ADGRB3: variants seen among roughly 807,000 people sequenced by gnomAD.
ADGRB3 encodes adhesion G protein-coupled receptor B3, also known as brain-specific angiogenesis inhibitor 3.
Under a neutral mutation model 193.4 loss-of-function variants are expected in ADGRB3, and 37 were observed. The ratio of observed to expected loss-of-function variants is 0.19; its 90% CI spans 0.15 to 0.25. The LOEUF is 0.25. Among genes scored for constraint, ADGRB3 ranks in the 10% least tolerant of loss-of-function variants. The pLI is 1.00. For missense variants in ADGRB3, 1,637 were observed against 1,852.9 expected, an observed-to-expected ratio of 0.88 and a Z score of 2.14; for synonymous variants, 690 against 644.2, an observed-to-expected ratio of 1.07 and a Z score of -1.08.
intron 3 of ADGRB3, among the ~76,000 whole-genome samples, chr6:68,735,234 G>T (rs1256344676): frequency 6.6e-6 from 1 of 151,810 alleles, no homozygotes; most frequent in Non-Finnish European, 1.5e-5. Flanking sequence ...CAGAATGAAG[G>T]TTACTTAAAA....
At chr6:69,290,365 A>G (rs1460961568) in intron 20 of ADGRB3, among the ~76,000 whole-genome samples, 2 of 152,116 alleles carry the variant, frequency 1.3e-5, no homozygotes, top group Middle Eastern at 3.2e-3. Context: ...TGGTAGATCT[A>G]AAATAATTGG....
intron 8 of ADGRB3, among the ~76,000 whole-genome samples, chr6:68,962,367 G>A (rs1422027285): frequency 6.6e-6 from 1 of 152,124 alleles, no homozygotes. Context: ...ATTAATAACA[G>A]ATAGTACTAC....
chr6:68,712,191 G>T (rs549989666), intron 3 of ADGRB3, among the ~76,000 whole-genome samples: 1 of 151,604 alleles, frequency 6.6e-6, no homozygotes, highest in African/African-American at 2.4e-5. Context: ...TAATTTATGC[G>T]TATAACATCA....
intron 10 of ADGRB3, among the ~76,000 whole-genome samples, chr6:68,986,391 T>G (rs963706311): frequency 2.0e-5 from 3 of 152,222 alleles, no homozygotes; most frequent in Admixed American, 6.5e-5. Context: ...GGACCAAATC[T>G]GCCCTATCAT....
chr6:69,141,122 T>TG (rs1774324774), intron 17 of ADGRB3, among the ~76,000 whole-genome samples: 1 of 58,616 alleles, frequency 1.7e-5, no homozygotes, highest in Non-Finnish European at 4.8e-5. Context: ...TTTCTTTCTT[T>TG]TTTTTTGGGG....
chr6:69,040,701 A>C (rs865851860), intron 13 of ADGRB3, among the ~76,000 whole-genome samples: 2 of 145,174 alleles, frequency 1.4e-5, no homozygotes, highest in East Asian at 1.9e-4. Flanking sequence ...AAAAAAAAAA[A>C]AAAAAAAACA....
intron 29 of ADGRB3, among the ~76,000 whole-genome samples, chr6:69,362,522 G>A (rs986112506): frequency 6.6e-6 from 1 of 151,868 alleles, no homozygotes; most frequent in Admixed American, 6.6e-5. Context: ...TAAAAAATGC[G>A]ATGAATAAGG....
intron 17 of ADGRB3, among the ~76,000 whole-genome samples, chr6:69,144,348 C>A (rs1403771508): frequency 1.3e-5 from 2 of 152,136 alleles, no homozygotes; most frequent in Non-Finnish European, 2.9e-5. Flanking sequence ...ATCATATCAT[C>A]TGCAAACAAG....
intron 17 of ADGRB3, among the ~76,000 whole-genome samples, chr6:69,191,513 A>G (rs543719442): frequency 1.3e-5 from 2 of 152,312 alleles, no homozygotes; most frequent in Non-Finnish European, 2.9e-5. Context: ...TCACAATTAT[A>G]ATTGTATTAT....
At chr6:69,115,452 C>A (rs1306282084) in intron 17 of ADGRB3, among the ~76,000 whole-genome samples, 1 of 148,946 alleles carries the variant, frequency 6.7e-6, no homozygotes, top group African/African-American at 2.5e-5. Flanking sequence ...ACTGGGGGAT[C>A]GGGGGTTAGG....
intron 20 of ADGRB3, among the ~76,000 whole-genome samples, chr6:69,264,931 C>A (rs1325930082): frequency 6.6e-6 from 1 of 151,752 alleles, no homozygotes; most frequent in Non-Finnish European, 1.5e-5. Context: ...TGGTTTATTC[C>A]CAAGAAAGAT....
chr6:68,819,845 C>T (rs1385602184), intron 3 of ADGRB3, among the ~76,000 whole-genome samples: 1 of 152,028 alleles, frequency 6.6e-6, no homozygotes, highest in Non-Finnish European at 1.5e-5. Flanking sequence ...CTGCTTTGTG[C>T]TGTGGAAGTT....
chr6:69,039,820 C>A (rs1770976628), intron 13 of ADGRB3, among the ~76,000 whole-genome samples: 1 of 148,104 alleles, frequency 6.8e-6, no homozygotes. Flanking sequence ...CGGCTCACTG[C>A]AAGCTCTGCC....
intron 3 of ADGRB3, among the ~76,000 whole-genome samples, chr6:68,684,703 T>G (rs1227847006): frequency 3.9e-5 from 6 of 152,074 alleles, no homozygotes; most frequent in Non-Finnish European, 8.8e-5. Context: ...CCAGAGAAAT[T>G]TTGAGGATGT....
intron 29 of ADGRB3, among the ~76,000 whole-genome samples, chr6:69,366,937 G>A (rs1259463860): frequency 1.3e-5 from 2 of 152,022 alleles, no homozygotes; most frequent in African/African-American, 4.8e-5. Flanking sequence ...TTGCCCCTGT[G>A]GAGAATACAC....
intron 17 of ADGRB3, among the ~76,000 whole-genome samples, chr6:69,113,468 G>A (rs1773434415): frequency 6.6e-6 from 1 of 151,752 alleles, no homozygotes; most frequent in Admixed American, 6.6e-5. Context: ...GGAAACTCAA[G>A]TTCTAAAAAA....
intron 17 of ADGRB3, among the ~76,000 whole-genome samples, chr6:69,126,579 C>A (rs1057268479): frequency 1.2e-4 from 19 of 152,170 alleles, no homozygotes; most frequent in African/African-American, 4.6e-4. Flanking sequence ...AGAGAATTCA[C>A]CTTTTCTGTT....
At chr6:68,956,494 A>G (rs1273983371) in intron 7 of ADGRB3, 151 bp from the exon 8 acceptor site, 6 of 1,080,092 alleles carry the variant, frequency 5.6e-6, no homozygotes, top group Admixed American at 2.3e-5. Context: ...GCAATGCTCT[A>G]TATTTGACCT....
At chr6:69,164,941 T>C (rs1229918331) in intron 17 of ADGRB3, among the ~76,000 whole-genome samples, 1 of 152,012 alleles carries the variant, frequency 6.6e-6, no homozygotes, top group Non-Finnish European at 1.5e-5. Context: ...AACAAATCAT[T>C]CTATACCAAA....
Sources: allele counts gnomAD v4.1 joint callset (sites outside exome capture counted in the v4.1 genomes callset), GRCh38; gene constraint gnomAD v4.1.1; transcripts MANE v1.5; gene names NCBI Gene and HGNC (gene_info 2026-07-23, HGNC 2026-07-21).